Variants in BMP6 observed in about 807,000 individuals in gnomAD.
The protein encoded by BMP6 is VG-1-R.
A neutral mutation model predicts 54.1 loss-of-function variants in BMP6; 17 were observed. That is an observed-to-expected ratio of 0.31 (90% CI 0.22 to 0.47). The LOEUF is 0.47. BMP6 is among the 20% of genes least tolerant of loss of function. BMP6 has a pLI of 1.00. For synonymous variants in BMP6, 328 were observed against 291.2 expected, an observed-to-expected ratio of 1.13 and a Z score of -1.28; for missense variants, 720 against 690.4, an observed-to-expected ratio of 1.04 and a Z score of -0.48.
chr6:7,881,277 T>C lies in BMP6; in HGVS notation c.*934T>C, dbSNP rs1759720569. The C allele has an allele frequency of 6.6e-6, 1 of 152,620 alleles. No individual in the cohort carries two copies. The highest frequency in any genetic ancestry group is 6.5e-5 in the Admixed American group (1 of 15,290). 9.5% of individuals were successfully genotyped at this position (152,620 alleles called of 1,614,324 possible). A position where few individuals can be genotyped will look rare whatever the true frequency, so the allele number is the denominator to read the frequency against. On this transcript the variant is annotated 3_prime_UTR_variant, in exon 7 of 7. Coordinates refer to ENST00000283147, the MANE Select transcript of BMP6 (RefSeq NM_001718.6). ...TGGTGTTAGGGGGATGAGCATGCTG[T>C]TTATGAACGGAAATCATGATTTCCC...
intron 1 of BMP6, among the ~76,000 whole-genome samples, chr6:7,802,785 A>G (rs921684613): frequency 6.6e-6 from 1 of 152,236 alleles, no homozygotes; most frequent in Non-Finnish European, 1.5e-5. Flanking sequence ...CCAGAGAGAC[A>G]TTCTTAGGCA....
intron 1 of BMP6, among the ~76,000 whole-genome samples, chr6:7,832,533 T>C (rs561463547): frequency 2.6e-5 from 4 of 152,192 alleles, no homozygotes; most frequent in East Asian, 3.9e-4. Flanking sequence ...ACCTAGTCTA[T>C]ATTTTGTTAC....
chr6:7,870,921 G>A (rs1759513829), intron 4 of BMP6, among the ~76,000 whole-genome samples: 1 of 152,170 alleles, frequency 6.6e-6, no homozygotes, highest in South Asian at 2.1e-4. Context: ...GAGCCACCGC[G>A]CCCGGCCTGT....
intron 1 of BMP6, among the ~76,000 whole-genome samples, chr6:7,761,631 G>A (rs1032283338): frequency 3.9e-5 from 6 of 152,190 alleles, no homozygotes; most frequent in African/African-American, 1.2e-4. Context: ...GTGTTGGTCA[G>A]TATCTCAGGC....
chr6:7,748,554 G>C (rs1374005107), intron 1 of BMP6, among the ~76,000 whole-genome samples: 1 of 152,168 alleles, frequency 6.6e-6, no homozygotes, highest in Non-Finnish European at 1.5e-5. Flanking sequence ...AAACCTACGA[G>C]GCTGAAGCAT....
chr6:7,824,523 C>G (rs986902190), intron 1 of BMP6, among the ~76,000 whole-genome samples: 6 of 152,120 alleles, frequency 3.9e-5, no homozygotes, highest in African/African-American at 1.4e-4. Context: ...AGGGGAAGCC[C>G]TAACTGAATA....
chr6:7,726,849 G>A lies in BMP6; in HGVS notation c.-107G>A, dbSNP rs1174100127. On this transcript the variant is annotated 5_prime_UTR_variant, in exon 1 of 7. Transcript: ENST00000283147. ...CAGGAAGGGGAAGCGAGCCCGCCGA[G>A]AGGTGGCGGGGACTGCTCACGCCAA... 2 of 631,366 alleles carry A rather than the reference G, an allele frequency of 3.2e-6. No homozygotes were observed. The highest frequency in any genetic ancestry group is 4.0e-5 in the African/African-American group (2 of 50,608). 39.1% of individuals were successfully genotyped at this position (631,366 alleles called of 1,614,324 possible). A position where few individuals can be genotyped will look rare whatever the true frequency, so the allele number is the denominator to read the frequency against.
At chr6:7,807,864 G>A (rs1433905585) in intron 1 of BMP6, among the ~76,000 whole-genome samples, 3 of 150,870 alleles carry the variant, frequency 2.0e-5, no homozygotes, top group African/African-American at 7.3e-5. Context: ...AAATGCCTGT[G>A]CCTGCAATTG....
intron 1 of BMP6, among the ~76,000 whole-genome samples, chr6:7,728,250 G>C (rs1276926392): frequency 1.3e-5 from 2 of 152,248 alleles, no homozygotes; most frequent in Non-Finnish European, 2.9e-5. Flanking sequence ...GTTTGGGGCG[G>C]GATGAAAGCT....
chr6:7,727,710 C>T (rs1258196798), intron 1 of BMP6, 91 bp downstream of exon 1: 3 of 1,354,816 alleles, frequency 2.2e-6, no homozygotes, highest in East Asian at 3.0e-5. Context: ...GGAGGAGCTC[C>T]CGGCGCGCGG....
At chr6:7,827,059 G>A (rs1313412056) in intron 1 of BMP6, among the ~76,000 whole-genome samples, 3 of 152,174 alleles carry the variant, frequency 2.0e-5, no homozygotes, top group Non-Finnish European at 4.4e-5. Flanking sequence ...TTGGAGGCTT[G>A]CTGCCCGTAT....
At chr6:7,875,344 T>C (rs1326934240) in intron 4 of BMP6, among the ~76,000 whole-genome samples, 5 of 152,210 alleles carry the variant, frequency 3.3e-5, no homozygotes, top group Admixed American at 6.5e-5. Flanking sequence ...CAAATACTTA[T>C]TTCTTCCAGA....
intron 1 of BMP6, among the ~76,000 whole-genome samples, chr6:7,797,300 C>T (rs1341731915): frequency 1.3e-5 from 2 of 152,204 alleles, no homozygotes; most frequent in African/African-American, 4.8e-5. Flanking sequence ...CAGCACCCCC[C>T]TCCCATCCGC....
chr6:7,827,518 A>G (rs369387297), intron 1 of BMP6, among the ~76,000 whole-genome samples: 1 of 152,044 alleles, frequency 6.6e-6, no homozygotes, highest in South Asian at 2.1e-4. Flanking sequence ...TCAGATATAT[A>G]CTTGGATAAG....
chr6:7,809,052 A>C (rs1758396011), intron 1 of BMP6, among the ~76,000 whole-genome samples: 1 of 152,042 alleles, frequency 6.6e-6, no homozygotes. Flanking sequence ...TAATTTTTAA[A>C]AACATAGGGG....
chr6:7,870,794 A>AT (rs1371424338), intron 4 of BMP6, among the ~76,000 whole-genome samples: 7 of 151,958 alleles, frequency 4.6e-5, no homozygotes, highest in African/African-American at 1.7e-4. Context: ...TGCCCCTCTA[A>AT]TTTTTTGTAT....
At chr6:7,856,764 T>G (rs970745725) in intron 2 of BMP6, among the ~76,000 whole-genome samples, 56 of 149,986 alleles carry the variant, frequency 3.7e-4, no homozygotes, top group African/African-American at 1.3e-3. Context: ...GCCCGGCTAA[T>G]TTTTTGTATT....
intron 1 of BMP6, among the ~76,000 whole-genome samples, chr6:7,829,997 G>C (rs1284924498): frequency 1.3e-5 from 2 of 152,196 alleles, no homozygotes; most frequent in Non-Finnish European, 2.9e-5. Context: ...GCTAAAAAGA[G>C]ACATTGCTGC....
chr6:7,877,866 C>T (rs1250158658), intron 4 of BMP6, among the ~76,000 whole-genome samples: 3 of 152,156 alleles, frequency 2.0e-5, no homozygotes, highest in Admixed American at 6.5e-5. Context: ...CTCTCTCCGT[C>T]GTTTCTCGAA....
Sources: gnomAD v4.1 joint callset for allele counts (sites outside exome capture counted in the v4.1 genomes callset) on GRCh38, gnomAD v4.1.1 for gene constraint, MANE v1.5 for transcripts, NCBI Gene and HGNC (gene_info 2026-07-23, HGNC 2026-07-21) for gene names.